The following CEP128 variants were observed in gnomAD, a reference collection of about 807,000 sequenced individuals.
CEP128 encodes centrosomal protein 128, also known as centrosomal protein 128kDa.
CEP128 carries 132 observed loss-of-function variants against 156.7 expected under a neutral mutation model. That is an observed-to-expected ratio of 0.84 (90% CI 0.73 to 0.97). The LOEUF is 0.97. Ranked by LOEUF, CEP128 falls within the 50% of genes least tolerant of loss-of-function variation. The pLI is 0.00. For synonymous variants in CEP128, 469 were observed against 448.9 expected, an observed-to-expected ratio of 1.04 and a Z score of -0.57; for missense variants, 1,252 against 1,281.9, an observed-to-expected ratio of 0.98 and a Z score of 0.36.
chr14:80,733,846 T>C (rs1898397109), intron 19 of CEP128, among the ~76,000 whole-genome samples: 2 of 152,322 alleles, frequency 1.3e-5, no homozygotes, highest in African/African-American at 4.8e-5. Flanking sequence ...ATCCTTAAAA[T>C]TCAATCATAA....
At chr14:80,840,966 C>T (rs998796800) in intron 9 of CEP128, among the ~76,000 whole-genome samples, 198 bp from the exon 10 acceptor site, 1 of 152,104 alleles carries the variant, frequency 6.6e-6, no homozygotes, top group African/African-American at 2.4e-5. Context: ...TTAATATTCA[C>T]TTTGTTTCCT....
At chr14:80,594,776 C>T (rs1244757928) in intron 19 of CEP128, among the ~76,000 whole-genome samples, 1 of 152,042 alleles carries the variant, frequency 6.6e-6, no homozygotes, top group Non-Finnish European at 1.5e-5. Flanking sequence ...AATGAGATAC[C>T]CATCTCACAC....
rs141810506 is a variant in CEP128 at position 80,797,976 on chromosome 14, T to C, written c.1210-4866A>G. On this transcript the variant is annotated intron_variant, in intron 13 of 24. Coordinates refer to ENST00000555265, the MANE Select transcript of CEP128 (RefSeq NM_152446.5). ...CACTGAGGAACTTTTTACATTTAGA[T>C]TGTGTGAAATTATCTCAGCCACTAA... Among the ~76,000 whole-genome samples, 974 of 152,290 alleles carry C rather than the reference T, an allele frequency of 6.4e-3. 12 individuals are homozygous for C. Among genetic ancestry groups the C allele is most frequent in the African/African-American group, 0.022 (928 of 41,572 alleles).
chr14:80,709,823 T>C (rs1447292634), intron 19 of CEP128, among the ~76,000 whole-genome samples: 2 of 152,164 alleles, frequency 1.3e-5, no homozygotes, highest in Non-Finnish European at 2.9e-5. Context: ...TGGGGTCTTC[T>C]TTTGCATATT....
intron 13 of CEP128, among the ~76,000 whole-genome samples, chr14:80,815,613 A>G (rs775222914): frequency 1.3e-5 from 2 of 152,228 alleles, no homozygotes; most frequent in Non-Finnish European, 2.9e-5. Flanking sequence ...AGACACCTGC[A>G]CTTGTATGTT....
intron 21 of CEP128, among the ~76,000 whole-genome samples, chr14:80,550,518 T>A (rs561152382): frequency 2.0e-5 from 3 of 152,162 alleles, no homozygotes; most frequent in South Asian, 4.2e-4. Flanking sequence ...CCACCATTTA[T>A]CCACTTATAA....
intron 19 of CEP128, among the ~76,000 whole-genome samples, chr14:80,601,368 T>C (rs2140531778): frequency 6.6e-6 from 1 of 152,288 alleles, no homozygotes; most frequent in African/African-American, 2.4e-5. Flanking sequence ...ATCTTTTGGC[T>C]TCCCTGGGCC....
Position 80,506,232 on chromosome 14 carries a change from T to C in CEP128, c.3073-1212A>G, listed in dbSNP as rs990290316. Among the ~76,000 whole-genome samples the C allele has an allele frequency of 9.9e-5, 15 of 151,882 alleles. 4 individuals carry two copies. The highest frequency in any genetic ancestry group is 6.6e-4 in the Admixed American group (10 of 15,234). ...GTAAGTGTGGAGGTGAGAAAGAGTT[T>C]GGTGTGTCTGAAGAACTGGAGGAAG... On this transcript the variant is annotated intron_variant, in intron 23 of 24. Transcript: ENST00000555265.
chr14:80,722,919 T>C (rs934063927), intron 19 of CEP128, among the ~76,000 whole-genome samples: 5 of 148,270 alleles, frequency 3.4e-5, no homozygotes, highest in South Asian at 4.3e-4. Flanking sequence ...CTCCGCCTCC[T>C]GGGTTCACGC....
chr14:80,623,366 G>A (rs543479268), intron 19 of CEP128, among the ~76,000 whole-genome samples: 202 of 149,118 alleles, frequency 1.4e-3, no homozygotes, highest in East Asian at 5.2e-3. Flanking sequence ...GTTAAATGAC[G>A]AGTTAATGGG....
chr14:80,703,119 T>C (rs1004351070), intron 19 of CEP128, among the ~76,000 whole-genome samples: 1 of 151,948 alleles, frequency 6.6e-6, no homozygotes, highest in Admixed American at 6.6e-5. Flanking sequence ...AGGCCAGAGA[T>C]AAAAGGCAGG....
At chr14:80,742,657 T>C (rs1478377709) in intron 19 of CEP128, 1 of 162,772 alleles carries the variant, frequency 6.1e-6, no homozygotes, top group East Asian at 1.8e-4. Context: ...AAACATAAGC[T>C]AAATAAGGGT....
chr14:80,840,919 G>A (rs1335725882), intron 9 of CEP128, 151 bp from the exon 10 acceptor site: 3 of 558,626 alleles, frequency 5.4e-6, no homozygotes. Flanking sequence ...GAACACTTCA[G>A]TGGGGATAAA....
chr14:80,771,186 T>C (rs898000799), intron 16 of CEP128, among the ~76,000 whole-genome samples: 10 of 152,190 alleles, frequency 6.6e-5, no homozygotes, highest in Non-Finnish European at 4.4e-5. Context: ...TTCCAAAATT[T>C]GTCAGACCAA....
At chr14:80,724,102 G>A (rs979476914) in intron 19 of CEP128, among the ~76,000 whole-genome samples, 1 of 152,154 alleles carries the variant, frequency 6.6e-6, no homozygotes, top group African/African-American at 2.4e-5. Flanking sequence ...TGGTTCTGTG[G>A]TATGCTATTG....
intron 23 of CEP128, among the ~76,000 whole-genome samples, chr14:80,524,906 T>C (rs775399061): frequency 2.0e-5 from 3 of 152,196 alleles, no homozygotes; most frequent in Non-Finnish European, 4.4e-5. Flanking sequence ...TGGCCCCTCT[T>C]ATGAACTAGG....
At chr14:80,491,763 A>C (rs909155006), downstream of CEP128, among the ~76,000 whole-genome samples, 3 of 152,246 alleles carry the variant, frequency 2.0e-5, no homozygotes, top group Admixed American at 1.3e-4. Context: ...TTCATCAGAA[A>C]TGTGACTTTA....
chr14:80,826,662 T>C (rs1180117057), intron 13 of CEP128, among the ~76,000 whole-genome samples: 1 of 152,126 alleles, frequency 6.6e-6, no homozygotes, highest in Non-Finnish European at 1.5e-5. Flanking sequence ...AAAATTAAAA[T>C]CTCCCATTAT....
At chr14:80,554,080 G>A (rs1196940545) in intron 21 of CEP128, among the ~76,000 whole-genome samples, 1 of 152,006 alleles carries the variant, frequency 6.6e-6, no homozygotes, top group Non-Finnish European at 1.5e-5. Context: ...TGGTGGTGGT[G>A]GAATCAATGC....
Sources: gnomAD v4.1 joint callset for allele counts (sites outside exome capture counted in the v4.1 genomes callset) on GRCh38, gnomAD v4.1.1 for gene constraint, MANE v1.5 for transcripts, NCBI Gene and HGNC (gene_info 2026-07-23, HGNC 2026-07-21) for gene names.